GALNT10: variants seen among roughly 807,000 people sequenced by gnomAD.
The protein encoded by GALNT10 is GalNAc transferase 10.
GALNT10 carries 41 observed loss-of-function variants against 75.0 expected under a neutral mutation model. The ratio of observed to expected loss-of-function variants is 0.55; its 90% CI spans 0.43 to 0.71. The LOEUF (loss-of-function observed/expected upper bound fraction) is 0.71. Ranked by LOEUF, GALNT10 falls within the 30% of genes least tolerant of loss-of-function variation. The pLI is 0.00. For missense variants in GALNT10, 727 were observed against 818.5 expected (o/e 0.89, Z 1.36); for synonymous variants, 302 against 313.0 (o/e 0.96, Z 0.37).
intron 4 of GALNT10, among the ~76,000 whole-genome samples, chr5:154,347,838 G>C (rs1755152152): frequency 6.6e-6 from 1 of 152,188 alleles, no homozygotes; most frequent in South Asian, 2.1e-4. Context: ...CAATCCCCAA[G>C]TTTGATTTGC....
At chr5:154,342,553 C>T (rs997674205) in intron 4 of GALNT10, among the ~76,000 whole-genome samples, 7 of 152,274 alleles carry the variant, frequency 4.6e-5, no homozygotes, top group African/African-American at 1.4e-4. Flanking sequence ...AAAAGATCCT[C>T]GTACTTTTGG....
At chr5:154,406,149 C>T (rs1415376618) in intron 8 of GALNT10, 1 of 151,256 alleles carries the variant, frequency 6.6e-6, no homozygotes, top group Non-Finnish European at 1.5e-5. Context: ...GTAGGTCTGA[C>T]AGGTACCTGG....
intron 6 of GALNT10, among the ~76,000 whole-genome samples, chr5:154,382,056 T>A (rs1399744924): frequency 6.6e-6 from 1 of 152,228 alleles, no homozygotes; most frequent in Non-Finnish European, 1.5e-5. Context: ...CACCACAGTT[T>A]GGCCTTCAGT....
chr5:154,281,281 T>G (rs1003472666), intron 1 of GALNT10, among the ~76,000 whole-genome samples: 1 of 152,242 alleles, frequency 6.6e-6, no homozygotes, highest in African/African-American at 2.4e-5. Flanking sequence ...CACATTTTGT[T>G]AAATGTATCT....
chr5:154,338,457 G>A (rs1219113247), intron 4 of GALNT10: 4 of 300,684 alleles, frequency 1.3e-5, no homozygotes, highest in South Asian at 3.9e-5. Flanking sequence ...AGACATGATG[G>A]CAGTGGGAGG....
chr5:154,333,095 T>G (rs1754892088), intron 4 of GALNT10, among the ~76,000 whole-genome samples: 1 of 152,204 alleles, frequency 6.6e-6, no homozygotes, highest in Non-Finnish European at 1.5e-5. Flanking sequence ...CACAGGCACA[T>G]GTGGGGTTCA....
At chr5:154,222,461 T>C (rs1230749196) in intron 1 of GALNT10, among the ~76,000 whole-genome samples, 1 of 152,224 alleles carries the variant, frequency 6.6e-6, no homozygotes, top group African/African-American at 2.4e-5. Context: ...ATATATGTTT[T>C]TGTTTTTCTT....
At chr5:154,263,378 C>T (rs1412838385) in intron 1 of GALNT10, among the ~76,000 whole-genome samples, 5 of 152,170 alleles carry the variant, frequency 3.3e-5, no homozygotes, top group South Asian at 4.2e-4. Context: ...CGTTATACTA[C>T]GTGAAAGAAG....
At chr5:154,358,918 C>G (rs746958937) in intron 4 of GALNT10, among the ~76,000 whole-genome samples, 2 of 152,164 alleles carry the variant, frequency 1.3e-5, no homozygotes, top group Non-Finnish European at 2.9e-5. Context: ...TTCACAAACC[C>G]CTGCCTCATT....
Position 154,198,644 on chromosome 5 carries a change from A to G in GALNT10, c.159+7619A>G, listed in dbSNP as rs114140452. Among the ~76,000 whole-genome samples the G allele has an allele frequency of 4.4e-3, 667 of 152,252 alleles. 2 individuals carry two copies. The highest frequency in any genetic ancestry group is 8.1e-3 in the Non-Finnish European group (549 of 68,030). On this transcript the variant is annotated intron_variant, in intron 1 of 11. Coordinates refer to ENST00000297107, the MANE Select transcript of GALNT10 (RefSeq NM_198321.4). The stretch of plus-strand genomic sequence containing the variant: ...TCCTGAAACTTCGGAATGCGAAGCA[A>G]TTGTTGGGGATGCCTTCTCAACTCC...
intron 1 of GALNT10, among the ~76,000 whole-genome samples, chr5:154,292,813 C>A (rs765770066): frequency 7.9e-5 from 12 of 152,138 alleles, no homozygotes; most frequent in Non-Finnish European, 1.6e-4. Flanking sequence ...CAGAGCAAGC[C>A]CCTACTCTCT....
At chr5:154,206,924 G>A (rs1423846235) in intron 1 of GALNT10, among the ~76,000 whole-genome samples, 1 of 152,230 alleles carries the variant, frequency 6.6e-6, no homozygotes, top group African/African-American at 2.4e-5. Flanking sequence ...GAGCAGTTTG[G>A]AGGCTATTGG....
At chr5:154,339,519 A>AC (rs1458050250) in intron 4 of GALNT10, among the ~76,000 whole-genome samples, 1 of 151,722 alleles carries the variant, frequency 6.6e-6, no homozygotes, top group Non-Finnish European at 1.5e-5. Flanking sequence ...AAAAAAAAAA[A>AC]CCCAGGATTT....
intron 6 of GALNT10, among the ~76,000 whole-genome samples, chr5:154,383,108 G>A (rs573100335): frequency 1.6e-4 from 24 of 152,328 alleles, no homozygotes; most frequent in African/African-American, 5.8e-4. Flanking sequence ...GGCAGTCACT[G>A]GTGTAGATGC....
At chr5:154,309,700 G>T (rs1329100881) in intron 3 of GALNT10, among the ~76,000 whole-genome samples, 1 of 152,158 alleles carries the variant, frequency 6.6e-6, no homozygotes, top group African/African-American at 2.4e-5. Context: ...CTGGGGAGAT[G>T]GAGTTGCCAT....
chr5:154,308,234 A>G (rs1011220689), intron 3 of GALNT10, among the ~76,000 whole-genome samples: 2 of 151,938 alleles, frequency 1.3e-5, no homozygotes, highest in African/African-American at 4.8e-5. Flanking sequence ...TGCGGCATTC[A>G]AAACACCCAG....
Position 154,329,585 on chromosome 5 carries a change from C to A in GALNT10, c.415C>A (p.Arg139Ser). The A allele has an allele frequency of 2.5e-6, 4 of 1,613,618 alleles. No homozygotes were observed. Among genetic ancestry groups the A allele is most frequent in the Non-Finnish European group, 3.4e-6 (4 of 1,179,602 alleles). ...DIRHPNCNSK[R>S]YLETLPNTSI... Reference sequence around the variant, plus strand: ...GTTTCCCTCTAGCTGCAACAGCAAGCGCTACCTGGAGACACTTCCCAACAC... The same window carrying A: ...GTTTCCCTCTAGCTGCAACAGCAAGAGCTACCTGGAGACACTTCCCAACAC... Residue 139 changes from arginine (R) to serine (S), a missense_variant, in exon 4 of 12, where the codon CGC becomes AGC. Arg to Ser is a moderately radical substitution (Grantham distance 110, BLOSUM62 -1). Transcript: ENST00000297107.
rs144923669 is a variant in GALNT10, at chr5:154,416,730, T to C, written c.1654-84T>C. The C allele has an allele frequency of 3.0e-6, 3 of 991,592 alleles. No homozygotes were observed. In the African/African-American group the frequency reaches 4.8e-5, roughly 16 times the overall value. The allele number at this position is 991,592 out of a possible 1,614,324, so 61.4% of individuals were successfully genotyped here. A position where few individuals can be genotyped will look rare whatever the true frequency, so the allele number is the denominator to read the frequency against. The stretch of plus-strand genomic sequence containing the variant: ...GCTAGTCAGTCAGTCACTTCCTCAC[T>C]TTCTCATTGCTGGTATTGTTGCTGT... On this transcript the variant is annotated intron_variant, in intron 11 of 11. Coordinates refer to ENST00000297107, the MANE Select transcript of GALNT10 (RefSeq NM_198321.4). The surrounding 1 kb of genome is among the most constrained non-coding windows in gnomAD (Gnocchi z 4.5).
chr5:154,411,683 C>CACTG (rs1408807703), intron 9 of GALNT10, among the ~76,000 whole-genome samples: 2 of 152,244 alleles, frequency 1.3e-5, no homozygotes, highest in Non-Finnish European at 2.9e-5. Flanking sequence ...TTTGCAGGAG[C>CACTG]ACTGCTGTGT....
Sources: allele counts gnomAD v4.1 joint callset (sites outside exome capture counted in the v4.1 genomes callset), GRCh38; gene constraint gnomAD v4.1.1; non-coding constraint Gnocchi (gnomAD v3.1); transcripts MANE v1.5; gene names NCBI Gene and HGNC (gene_info 2026-07-23, HGNC 2026-07-21).